CPLANE1: variants seen among roughly 807,000 people sequenced by gnomAD.
The protein encoded by CPLANE1 is ciliogenesis and planar polarity effector 1.
In CPLANE1, 263 loss-of-function variants were observed where a neutral mutation model predicts 362.5. The ratio of observed to expected loss-of-function variants is 0.73; its 90% CI spans 0.66 to 0.80. CPLANE1 has a LOEUF of 0.80. CPLANE1 is among the 30% of genes least tolerant of loss of function. The pLI, the probability that CPLANE1 is intolerant of heterozygous loss-of-function variation, is 0.00. For missense variants in CPLANE1, 3,461 were observed against 3,793.4 expected, an observed-to-expected ratio of 0.91 and a Z score of 2.30; for synonymous variants, 1,212 against 1,302.6, an observed-to-expected ratio of 0.93 and a Z score of 1.50.
Position 37,106,610 on chromosome 5 carries a change from G to C in CPLANE1, c.*992C>G, listed in dbSNP as rs1757681995. On this transcript the variant is annotated 3_prime_UTR_variant, in exon 53 of 53. Coordinates refer to ENST00000651892, the MANE Select transcript of CPLANE1 (RefSeq NM_001384732.1). ...ATTTTCTAAAACAATTTGGTAAGGA[G>C]AGTAGCATTGTTTTATAGTTCTACA... 1 of 395,954 alleles carries C rather than the reference G, an allele frequency of 2.5e-6. No homozygotes were observed. Among genetic ancestry groups the C allele is most frequent in the Non-Finnish European group, 3.4e-6 (1 of 291,312 alleles). 24.5% of individuals were successfully genotyped at this position (395,954 alleles called of 1,614,324 possible). A position where few individuals can be genotyped will look rare whatever the true frequency, so the allele number is the denominator to read the frequency against.
At chr5:37,083,606 C>A in the CPLANE1 span, among the ~76,000 whole-genome samples, 1 of 152,016 alleles carries the variant, frequency 6.6e-6, no homozygotes, top group Non-Finnish European at 1.5e-5. Flanking sequence ...TGCAGGGAAA[C>A]AATGGAAACA....
chr5:37,167,516 C>T lies in CPLANE1; in HGVS notation c.7234-303G>A, dbSNP rs868217346. ...TCCTCTGGCCAAGTGCAGTGGCTCA[C>T]GCCTGTAATCCCAGCACTTTGGGAG... On this transcript the variant is annotated intron_variant, in intron 34 of 52. Transcript: ENST00000651892. 7.9e-5 allele frequency among the ~76,000 whole-genome samples: 12 copies of T among 152,174 alleles called. 1 individual carries two copies. The highest frequency in any genetic ancestry group is 6.2e-4 in the South Asian group (3 of 4,830).
In CPLANE1 at chr5:37,173,420, T is replaced by C. The variant is rs565473741; in HGVS notation, c.6171+335A>G. Among the ~76,000 whole-genome samples the C allele has an allele frequency of 2.6e-5, 4 of 152,200 alleles. No homozygotes were observed. In the East Asian group the frequency reaches 7.7e-4, roughly 29 times the overall value. On this transcript the variant is annotated intron_variant, in intron 32 of 52. Coordinates refer to ENST00000651892, the MANE Select transcript of CPLANE1 (RefSeq NM_001384732.1). The stretch of plus-strand genomic sequence containing the variant: ...AGGTCATTGTGAGAAGTAGGTAGCT[T>C]AGCCTAGACCTCTGGGCCCTAGAGG...
chr5:37,164,234 T>G, intron 37 of CPLANE1, 39 bp downstream of exon 37: 1 of 1,480,508 alleles, frequency 6.8e-7, no homozygotes, highest in Non-Finnish European at 9.4e-7. Context: ...TAATTTTAAC[T>G]CTAAACTTAG....
Position 37,206,441 on chromosome 5 carries a change from T to C in CPLANE1, c.2921-16A>G. 6.9e-7 allele frequency: 1 copy of C among 1,457,574 alleles called. No individual in the cohort carries two copies. The highest frequency in any genetic ancestry group is 9.4e-7 in the Non-Finnish European group (1 of 1,062,372). 90.3% of individuals were successfully genotyped at this position (1,457,574 alleles called of 1,614,324 possible). ...AAGGACTGCTCTGTGAGTAAATTTT[T>C]AAAAATGGATTATTACAATCACATC... On this transcript the variant is annotated splice_polypyrimidine_tract_variant and intron_variant, in intron 16 of 52. Transcript: ENST00000651892.
rs1439086056 is a variant in CPLANE1, at chr5:37,209,510, G to T, written c.2921-3085C>A. 2.4e-6 allele frequency: 3 copies of T among 1,274,946 alleles called. No homozygotes were observed. The highest frequency in any genetic ancestry group is 2.9e-5 in the African/African-American group (2 of 68,506). The allele number at this position is 1,274,946 out of a possible 1,614,324, so 79.0% of individuals were successfully genotyped here. A position where few individuals can be genotyped will look rare whatever the true frequency, so the allele number is the denominator to read the frequency against. On this transcript the variant is annotated intron_variant, in intron 16 of 52. Coordinates refer to ENST00000651892, the MANE Select transcript of CPLANE1 (RefSeq NM_001384732.1). This position sits in a 1 kb window ranked among gnomAD's most constrained non-coding sequence, Gnocchi z 4.6. The stretch of plus-strand genomic sequence containing the variant: ...GAAACCAGCTAATTCATGAGTTAAT[G>T]CACCCTGTATTGAGTGGAGAACTGC...
intron 50 of CPLANE1, among the ~76,000 whole-genome samples, chr5:37,115,597 CTTTT>C (rs202050168): frequency 8.0e-6 from 1 of 124,662 alleles, no homozygotes; most frequent in South Asian, 2.6e-4. Context: ...ACTTTTATTT[CTTTT>C]TTTTTTTTTT....
At chr5:37,102,479 T>G (rs147875788), downstream of CPLANE1, among the ~76,000 whole-genome samples, 54 of 152,246 alleles carry the variant, frequency 3.5e-4, 1 homozygote, top group East Asian at 9.6e-3. Context: ...TGAGCCACCA[T>G]GCCTGGCCTC....
At chr5:37,210,164 C>T in intron 16 of CPLANE1, 3 of 1,216,286 alleles carry the variant, frequency 2.5e-6, no homozygotes, top group Non-Finnish European at 3.7e-6. Context: ...AAAAGAGCAC[C>T]CTTGAGAGAA....
intron 38 of CPLANE1, among the ~76,000 whole-genome samples, chr5:37,159,406 C>T (rs1030427977): frequency 2.0e-5 from 3 of 152,196 alleles, no homozygotes; most frequent in African/African-American, 4.8e-5. Flanking sequence ...CCACCGCGCC[C>T]GGCCTAATTC....
the CPLANE1 span, among the ~76,000 whole-genome samples, chr5:37,076,393 C>A: frequency 6.6e-6 from 1 of 151,928 alleles, no homozygotes; most frequent in Non-Finnish European, 1.5e-5. Flanking sequence ...CTCACCGCAA[C>A]CTTCGCCTCC....
intron 39 of CPLANE1, 170 bp from the exon 40 acceptor site, chr5:37,158,038 T>C (rs892620061): frequency 9.0e-6 from 7 of 775,278 alleles, no homozygotes; most frequent in Non-Finnish European, 1.0e-5. Context: ...GCAGGAAGTA[T>C]GTATTATTGG....
rs1055393900 is a variant in CPLANE1 at position 37,195,774 on chromosome 5, C to T, written c.3811+84G>A. The stretch of plus-strand genomic sequence containing the variant: ...AAGTAAAATATCAGAGCATATTGTA[C>T]TTTGAAGAGTCAATACTTTCCCAAA... On this transcript the variant is annotated intron_variant, in intron 21 of 52. Coordinates refer to ENST00000651892, the MANE Select transcript of CPLANE1 (RefSeq NM_001384732.1). 1.7e-5 allele frequency: 23 copies of T among 1,367,184 alleles called. No individual in the cohort carries two copies. The African/African-American group carries it at 3.2e-4, about 19-fold the overall frequency. 84.7% of individuals were successfully genotyped at this position (1,367,184 alleles called of 1,614,324 possible).
chr5:37,096,997 G>A, the CPLANE1 span, among the ~76,000 whole-genome samples: 1 of 152,014 alleles, frequency 6.6e-6, no homozygotes, highest in East Asian at 1.9e-4. Flanking sequence ...AAAACAATGT[G>A]GAGAAAAAAA....
chr5:37,232,797 G>A (rs992469015), intron 8 of CPLANE1, among the ~76,000 whole-genome samples: 1 of 136,654 alleles, frequency 7.3e-6, no homozygotes, highest in Admixed American at 8.3e-5. Context: ...CTATGATCAC[G>A]CCATTGCACT....
intron 15 of CPLANE1, among the ~76,000 whole-genome samples, chr5:37,213,974 C>T (rs1793322936): frequency 6.6e-6 from 1 of 151,900 alleles, no homozygotes; most frequent in Admixed American, 6.6e-5. Context: ...CTTATATATA[C>T]AGATTTTTTT....
At chr5:37,215,087 T>C (rs538326148) in intron 15 of CPLANE1, among the ~76,000 whole-genome samples, 1 of 152,324 alleles carries the variant, frequency 6.6e-6, no homozygotes, top group African/African-American at 2.4e-5. Context: ...TTCACTTTTA[T>C]TGCCCAGGCT....
chr5:37,152,170 G>T (rs775891502), intron 42 of CPLANE1, among the ~76,000 whole-genome samples: 2 of 151,904 alleles, frequency 1.3e-5, no homozygotes, highest in Non-Finnish European at 2.9e-5. Context: ...TAGACTTTAA[G>T]ACATTTAACT....
chr5:37,244,831 G>C (rs367814612), intron 4 of CPLANE1, among the ~76,000 whole-genome samples: 1 of 152,070 alleles, frequency 6.6e-6, no homozygotes. Context: ...TAGCCCAAAA[G>C]GTCAAAGCTG....
Sources: allele counts gnomAD v4.1 joint callset (sites outside exome capture counted in the v4.1 genomes callset), GRCh38; gene constraint gnomAD v4.1.1; non-coding constraint Gnocchi (gnomAD v3.1); transcripts MANE v1.5; gene names NCBI Gene and HGNC (gene_info 2026-07-23, HGNC 2026-07-21).